The following SGTA variants were observed in gnomAD, a reference collection of about 807,000 sequenced individuals.
The protein encoded by SGTA is small glutamine rich tetratricopeptide repeat co-chaperone alpha, also known as small glutamine-rich tetratricopeptide repeat-containing protein alpha.
Under a neutral mutation model 44.3 loss-of-function variants are expected in SGTA, and 22 were observed. The observed-to-expected ratio is 0.50, with a 90% CI of 0.36 to 0.71. The LOEUF is 0.71. Ranked by LOEUF, SGTA falls within the 30% of genes least tolerant of loss-of-function variation. The pLI, the probability that SGTA is intolerant of heterozygous loss-of-function variation, is 0.00. For missense variants in SGTA, 341 were observed against 435.9 expected, an observed-to-expected ratio of 0.78 and a Z score of 1.94; for synonymous variants, 174 against 177.6, an observed-to-expected ratio of 0.98 and a Z score of 0.16.
In SGTA at chr19:2,763,543, G is replaced by GC. The variant is rs375811881; in HGVS notation, c.497+109_497+110insG. The GC allele has an allele frequency of 6.2e-5, 44 of 712,810 alleles. No homozygotes were observed. In the African/African-American group the frequency reaches 6.3e-4, roughly 10 times the overall value. The allele number at this position is 712,810 out of a possible 1,614,324, so 44.2% of individuals were successfully genotyped here. ...AGTGTCAGAGTTGAACTGAACCGGG[G>GC]TGGGAGAATTCGTTGTGGGTGGGAA... is the stretch of plus-strand genomic sequence containing the variant. On this transcript the variant is annotated intron_variant, in intron 6 of 11. Transcript: ENST00000221566. This position sits in a 1 kb window ranked among gnomAD's most constrained non-coding sequence, Gnocchi z 5.8.
At position 2,765,329 on chromosome 19, in the gene SGTA, C is replaced by T. The variant is rs755271472; in HGVS notation, c.293-44G>A. The T allele has an allele frequency of 7.6e-6, 11 of 1,449,840 alleles. No homozygotes were observed. Among genetic ancestry groups the T allele is most frequent in the South Asian group, 3.5e-5 (3 of 86,110 alleles). 89.8% of individuals were successfully genotyped at this position (1,449,840 alleles called of 1,614,324 possible). On this transcript the variant is annotated intron_variant, in intron 4 of 11. Transcript: ENST00000221566. This position sits in a 1 kb window ranked among gnomAD's most constrained non-coding sequence, Gnocchi z 5.5. ...ACACCGGCCCGGTGTCCACACAGAC[C>T]GGAGGGGGTGTCAGGGAGAGAGGAA...
chr19:2,780,894 G>T (rs1453591057), intron 1 of SGTA, among the ~76,000 whole-genome samples: 1 of 152,156 alleles, frequency 6.6e-6, no homozygotes, highest in African/African-American at 2.4e-5. Flanking sequence ...AGACCAGCCT[G>T]GGCAACACAG....
At position 2,778,963 on chromosome 19, in the gene SGTA, T is replaced by C. The variant is rs546046945; in HGVS notation, c.-24+4270A>G. On this transcript the variant is annotated intron_variant, in intron 1 of 11. Transcript: ENST00000221566. ...TTTTTTCCCAAATAATTAATGCAGGTCTGTCGCCTGTGGCACTGTGGGCAT... is the reference window on the plus strand; with the variant it reads ...TTTTTTCCCAAATAATTAATGCAGGCCTGTCGCCTGTGGCACTGTGGGCAT... Among the ~76,000 whole-genome samples, 58 of 152,272 alleles carry C rather than the reference T, an allele frequency of 3.8e-4. 1 individual carries two copies. The South Asian group carries it at 5.6e-3, about 15-fold the overall frequency.
Position 2,763,826 on chromosome 19 carries a change from A to G in SGTA, c.393-69T>C. On this transcript the variant is annotated intron_variant, in intron 5 of 11. Transcript: ENST00000221566. The surrounding 1 kb of genome is among the most constrained non-coding windows in gnomAD (Gnocchi z 5.8). Reference sequence around the variant, plus strand: ...AGCCCAGCGGGCAGCCCTTGAGGGGAGCCTGAGAGCTGCGTTCCTCTCCAA... The same window carrying G: ...AGCCCAGCGGGCAGCCCTTGAGGGGGGCCTGAGAGCTGCGTTCCTCTCCAA... The G allele has an allele frequency of 8.1e-7, 1 of 1,240,862 alleles. No homozygotes were observed. Among genetic ancestry groups the G allele is most frequent in the Non-Finnish European group, 1.1e-6 (1 of 869,708 alleles). The allele number at this position is 1,240,862 out of a possible 1,614,324, so 76.9% of individuals were successfully genotyped here.
chr19:2,759,368 T>C, intron 8 of SGTA, 74 bp from the exon 9 acceptor site: 20 of 1,427,990 alleles, frequency 1.4e-5, no homozygotes, highest in Non-Finnish European at 2.0e-5. Context: ...ACACTTTCCA[T>C]CTTAACCAGC....
In SGTA at chr19:2,761,580, C is replaced by A. The variant is rs1388644053; in HGVS notation, c.637-58G>T. On this transcript the variant is annotated intron_variant, in intron 7 of 11. Transcript: ENST00000221566. The surrounding 1 kb of genome is among the most constrained non-coding windows in gnomAD (Gnocchi z 5.7). ...CTGGACCAGAGGCCACGGTGAATAA[C>A]CCCCTGGAACTCAGAAACAACGGCC... The A allele has an allele frequency of 2.7e-5, 37 of 1,374,376 alleles. No homozygotes were observed. Among genetic ancestry groups the A allele is most frequent in the Non-Finnish European group, 3.5e-5 (35 of 987,212 alleles). The allele number at this position is 1,374,376 out of a possible 1,614,324, so 85.1% of individuals were successfully genotyped here.
intron 9 of SGTA, 56 bp from the exon 10 acceptor site, chr19:2,757,838 G>A: frequency 8.5e-7 from 1 of 1,170,216 alleles, no homozygotes. Context: ...CACCCCCACT[G>A]CAGGCCCTCG....
Position 2,755,886 on chromosome 19 carries a change from G to A in SGTA, c.*54C>T, listed in dbSNP as rs560731340. On this transcript the variant is annotated 3_prime_UTR_variant, in exon 12 of 12. Coordinates refer to ENST00000221566, the MANE Select transcript of SGTA (RefSeq NM_003021.4). The surrounding 1 kb of genome is among the most constrained non-coding windows in gnomAD (Gnocchi z 5.2). The stretch of plus-strand genomic sequence containing the variant: ...AGGAGGAAGTGGCAGACAACCAGAA[G>A]GCTTCCTTCGGGTCGGCCAGGGAAG... The A allele has an allele frequency of 8.1e-6, 8 of 985,680 alleles. No individual in the cohort carries two copies. In the South Asian group the frequency reaches 2.3e-4, roughly 29 times the overall value. The allele number at this position is 985,680 out of a possible 1,614,324, so 61.1% of individuals were successfully genotyped here.
At chr19:2,774,553 TAC>T (rs1025814883) in intron 1 of SGTA, among the ~76,000 whole-genome samples, 5 of 152,148 alleles carry the variant, frequency 3.3e-5, no homozygotes, top group African/African-American at 1.2e-4. Flanking sequence ...CGTGCACGCG[TAC>T]ACAGAGGCCT....
intron 4 of SGTA, among the ~76,000 whole-genome samples, chr19:2,766,832 G>A (rs1044052310): frequency 6.6e-6 from 1 of 151,946 alleles, no homozygotes; most frequent in Non-Finnish European, 1.5e-5. Context: ...TCTAGTATCA[G>A]GGTGGAACCG....
Position 2,763,819 on chromosome 19 carries a change from T to C in SGTA, c.393-62A>G, listed in dbSNP as rs1486727826. ...GGCTCTGAGCCCAGCGGGCAGCCCTTGAGGGGAGCCTGAGAGCTGCGTTCC... is the reference window on the plus strand; with the variant it reads ...GGCTCTGAGCCCAGCGGGCAGCCCTCGAGGGGAGCCTGAGAGCTGCGTTCC... On this transcript the variant is annotated intron_variant, in intron 5 of 11. Coordinates refer to ENST00000221566, the MANE Select transcript of SGTA (RefSeq NM_003021.4). This position sits in a 1 kb window ranked among gnomAD's most constrained non-coding sequence, Gnocchi z 5.8. The C allele has an allele frequency of 2.9e-6, 4 of 1,371,738 alleles. No individual in the cohort carries two copies. Among genetic ancestry groups the C allele is most frequent in the Non-Finnish European group, 4.1e-6 (4 of 980,148 alleles). 85.0% of individuals were successfully genotyped at this position (1,371,738 alleles called of 1,614,324 possible).
intron 8 of SGTA, among the ~76,000 whole-genome samples, chr19:2,760,517 CAAAAAAAAA>C (rs58836148): frequency 1.9e-5 from 1 of 51,642 alleles, no homozygotes; most frequent in South Asian, 5.2e-4. Flanking sequence ...GACTCCATCT[CAAAAAAAAA>C]AAAAAAAAAA....
intron 1 of SGTA, among the ~76,000 whole-genome samples, chr19:2,780,818 G>A (rs1175310489): frequency 6.6e-6 from 1 of 152,208 alleles, no homozygotes; most frequent in African/African-American, 2.4e-5. Context: ...CAGGTGCAGT[G>A]GGGCACGCCT....
chr19:2,759,073 A>G (rs1914911004), intron 9 of SGTA, among the ~76,000 whole-genome samples, 184 bp downstream of exon 9: 1 of 144,640 alleles, frequency 6.9e-6, no homozygotes, highest in Non-Finnish European at 1.5e-5. Flanking sequence ...GTTGCATGAC[A>G]GTGTGATGGT....
Position 2,772,804 on chromosome 19 carries a change from AGATG to A in SGTA, c.-23-3717_-23-3714del, listed in dbSNP as rs1489341854. 1.1e-4 allele frequency among the ~76,000 whole-genome samples: 16 copies of A among 144,680 alleles called. 1 individual carries two copies. Among genetic ancestry groups the A allele is most frequent in the African/African-American group, 3.9e-4 (14 of 35,482 alleles). The allele number at this position is 144,680 out of a possible 152,430, so 94.9% of individuals were successfully genotyped here. A position where few individuals can be genotyped will look rare whatever the true frequency, so the allele number is the denominator to read the frequency against. Reference sequence around the variant, plus strand: ...CACACGGCAGGGACACCGAGGGCAGAGATGGGTGACGCGGCCACAGGGCAGGGAC... The same window carrying A: ...CACACGGCAGGGACACCGAGGGCAGAGGTGACGCGGCCACAGGGCAGGGAC... On this transcript the variant is annotated intron_variant, in intron 1 of 11. Coordinates refer to ENST00000221566, the MANE Select transcript of SGTA (RefSeq NM_003021.4).
rs1229566042 is a variant in SGTA at position 2,761,803 on chromosome 19, G to A, written c.637-281C>T. ...CCGCACAGCGCGACCGCCCGGGGAC[G>A]GCACAGTCTATCATCCCGTGTTTAT... On this transcript the variant is annotated intron_variant, in intron 7 of 11. Coordinates refer to ENST00000221566, the MANE Select transcript of SGTA (RefSeq NM_003021.4). The surrounding 1 kb of genome is among the most constrained non-coding windows in gnomAD (Gnocchi z 5.7). Among the ~76,000 whole-genome samples the A allele has an allele frequency of 6.8e-5, 10 of 147,728 alleles. No individual in the cohort carries two copies. The highest frequency in any genetic ancestry group is 6.5e-4 in the South Asian group (3 of 4,584).
At position 2,763,840 on chromosome 19, in the gene SGTA, G is replaced by T. The variant is rs1420216381; in HGVS notation, c.393-83C>A. ...CCCTTGAGGGGAGCCTGAGAGCTGC[G>T]TTCCTCTCCAACTTCCTGGAGGAAC... On this transcript the variant is annotated intron_variant, in intron 5 of 11. Coordinates refer to ENST00000221566, the MANE Select transcript of SGTA (RefSeq NM_003021.4). This position sits in a 1 kb window ranked among gnomAD's most constrained non-coding sequence, Gnocchi z 5.8. The T allele has an allele frequency of 1.9e-5, 20 of 1,057,224 alleles. 1 individual carries two copies. In the East Asian group the frequency reaches 5.2e-4, roughly 27 times the overall value. 65.5% of individuals were successfully genotyped at this position (1,057,224 alleles called of 1,614,324 possible). A position where few individuals can be genotyped will look rare whatever the true frequency, so the allele number is the denominator to read the frequency against.
rs201063360 is a variant in SGTA, at chr19:2,768,936, G to A, written c.100+33C>T. ...GAGGCGACTGTGCTGGCCGCTGCCC[G>A]GGGAGAGGGGGAAGTGGCAGGCACC... On this transcript the variant is annotated intron_variant, in intron 2 of 11. Transcript: ENST00000221566. 53 of 1,516,678 alleles carry A rather than the reference G, an allele frequency of 3.5e-5. 1 individual carries two copies. The highest frequency in any genetic ancestry group is 2.6e-4 in the South Asian group (23 of 89,146). 94.0% of individuals were successfully genotyped at this position (1,516,678 alleles called of 1,614,324 possible). A position where few individuals can be genotyped will look rare whatever the true frequency, so the allele number is the denominator to read the frequency against.
In SGTA at chr19:2,761,209, G is replaced by C. The variant is rs1472898870; in HGVS notation, c.699+251C>G. Among the ~76,000 whole-genome samples the C allele has an allele frequency of 6.6e-6, 1 of 152,132 alleles. No homozygotes were observed. Among genetic ancestry groups the C allele is most frequent in the Non-Finnish European group, 1.5e-5 (1 of 68,022 alleles). On this transcript the variant is annotated intron_variant, in intron 8 of 11. Coordinates refer to ENST00000221566, the MANE Select transcript of SGTA (RefSeq NM_003021.4). The surrounding 1 kb of genome is among the most constrained non-coding windows in gnomAD (Gnocchi z 5.7). ...TGCTCACTACTGATGGGTCTTGCTT[G>C]GGACATCAACATTGGGGACACTTTT...
Sources: gnomAD v4.1 joint callset for allele counts (sites outside exome capture counted in the v4.1 genomes callset) on GRCh38, gnomAD v4.1.1 for gene constraint, Gnocchi (gnomAD v3.1) non-coding constraint, MANE v1.5 for transcripts, NCBI Gene and HGNC (gene_info 2026-07-23, HGNC 2026-07-21) for gene names.